PCDHA4: variants seen among roughly 807,000 people sequenced by gnomAD.
PCDHA4 encodes protocadherin alpha-4.
In PCDHA4, 49 loss-of-function variants were observed where a neutral mutation model predicts 61.4. The observed-to-expected ratio is 0.80, with a 90% CI of 0.63 to 1.01. PCDHA4 has a LOEUF of 1.01. PCDHA4 is among the 50% of genes least tolerant of loss of function. The pLI, the probability that PCDHA4 is intolerant of heterozygous loss-of-function variation, is 0.00. For synonymous variants in PCDHA4, 590 were observed against 550.3 expected (o/e 1.07, Z -1.01); for missense variants, 1,254 against 1,235.8 (o/e 1.01, Z -0.22).
intron 1 of PCDHA4, among the ~76,000 whole-genome samples, chr5:140,947,932 T>G (rs1444320082): frequency 1.3e-5 from 2 of 151,584 alleles, no homozygotes; most frequent in African/African-American, 4.8e-5. Flanking sequence ...CCTGATCTTA[T>G]GAGAAAAGTG....
chr5:140,884,590 C>T, intron 1 of PCDHA4: 1 of 1,614,182 alleles, frequency 6.2e-7, no homozygotes, highest in Non-Finnish European at 8.5e-7. Flanking sequence ...CCTTCAGTCC[C>T]AGCCTTCCTC....
At chr5:140,969,459 G>A (rs1554231863) in intron 1 of PCDHA4, 1 of 1,503,404 alleles carries the variant, frequency 6.7e-7, no homozygotes, top group Non-Finnish European at 8.9e-7. Flanking sequence ...AGTATATATA[G>A]TATCCACAAT....
At chr5:140,856,152 A>T in intron 1 of PCDHA4, 1 of 1,598,182 alleles carries the variant, frequency 6.3e-7, no homozygotes, top group Non-Finnish European at 8.6e-7. Flanking sequence ...TACTCAGTCT[A>T]CGAGGAGGCC....
intron 1 of PCDHA4, among the ~76,000 whole-genome samples, chr5:140,934,289 T>C (rs1584800076): frequency 6.6e-6 from 1 of 152,138 alleles, no homozygotes; most frequent in East Asian, 1.9e-4. Flanking sequence ...AGGGCATTCT[T>C]ACTGGTATTT....
Position 140,830,193 on chromosome 5 carries a change from T to C in PCDHA4, c.2385+20621T>C, listed in dbSNP as rs1770885787. ...CTGGTGGATGTCAACGTGTACCTGA[T>C]CATCGCCATCTGCGCGGTATCCAGC... is the stretch of plus-strand genomic sequence containing the variant. On this transcript the variant is annotated intron_variant, in intron 1 of 3. Transcript: ENST00000530339. The C allele has an allele frequency of 2.5e-6, 4 of 1,613,664 alleles. No homozygotes were observed. In the African/African-American group the frequency reaches 5.3e-5, roughly 22 times the overall value.
At chr5:140,987,314 G>A (rs1554249065) in intron 3 of PCDHA4, among the ~76,000 whole-genome samples, 1 of 152,126 alleles carries the variant, frequency 6.6e-6, no homozygotes, top group Non-Finnish European at 1.5e-5. Flanking sequence ...CCAATGTACT[G>A]TGAAGTTTTA....
chr5:140,824,361 G>A (rs1296667094), intron 1 of PCDHA4: 22 of 575,078 alleles, frequency 3.8e-5, no homozygotes, highest in Non-Finnish European at 6.6e-5. Flanking sequence ...TTTTATATTA[G>A]CATTTGAATT....
chr5:140,883,639 G>A (rs2059720248), intron 1 of PCDHA4: 1 of 1,614,016 alleles, frequency 6.2e-7, no homozygotes, highest in Non-Finnish European at 8.5e-7. Context: ...CGTTCGCGCA[G>A]CCCGAGTACA....
intron 1 of PCDHA4, chr5:140,868,711 A>G (rs2050603151): frequency 1.1e-5 from 2 of 187,754 alleles, no homozygotes; most frequent in Non-Finnish European, 2.2e-5. Flanking sequence ...AGACACAATA[A>G]TTTAAATTTG....
chr5:140,928,551 G>T, intron 1 of PCDHA4: 2 of 1,614,164 alleles, frequency 1.2e-6, no homozygotes, highest in Non-Finnish European at 1.7e-6. Context: ...ACAATTATCC[G>T]GTTATCTTGT....
At chr5:140,829,687 G>A (rs2150172545) in intron 1 of PCDHA4, 3 of 1,613,340 alleles carry the variant, frequency 1.9e-6, no homozygotes, top group East Asian at 2.2e-5. Flanking sequence ...AGCTGCTGCA[G>A]TTTCAGGTGA....
chr5:140,897,345 C>A (rs1291203410), intron 1 of PCDHA4, among the ~76,000 whole-genome samples: 2 of 126,562 alleles, frequency 1.6e-5, no homozygotes, highest in African/African-American at 6.0e-5. Flanking sequence ...CCCCCCACCC[C>A]ACAACTGTCC....
At chr5:140,812,491 A>G (rs1765118716) in intron 1 of PCDHA4, 2 of 152,004 alleles carry the variant, frequency 1.3e-5, no homozygotes. Context: ...AATCTTTATT[A>G]TAGTATTTCC....
chr5:140,941,227 C>CTT (rs797022976), intron 1 of PCDHA4, among the ~76,000 whole-genome samples: 1 of 136,000 alleles, frequency 7.4e-6, no homozygotes, highest in African/African-American at 2.8e-5. Context: ...TTCTTTCTTT[C>CTT]TTTCTTTCTT....
intron 1 of PCDHA4, among the ~76,000 whole-genome samples, chr5:140,960,167 CTTAAG>C (rs1291277794): frequency 1.3e-5 from 2 of 152,052 alleles, no homozygotes; most frequent in Non-Finnish European, 2.9e-5. Context: ...TAATACAATT[CTTAAG>C]TTAGGGGTTG....
At chr5:140,967,357 T>C (rs782125763) in intron 1 of PCDHA4, 2 of 1,608,222 alleles carry the variant, frequency 1.2e-6, no homozygotes, top group Non-Finnish European at 1.7e-6. Context: ...AGCTGGACCT[T>C]AAGCCCCTGC....
chr5:140,991,121 C>G (rs1220661100), intron 3 of PCDHA4, among the ~76,000 whole-genome samples: 1 of 152,184 alleles, frequency 6.6e-6, no homozygotes, highest in Non-Finnish European at 1.5e-5. Context: ...TTCTTACATT[C>G]ACACAGCTAG....
Position 140,949,361 on chromosome 5 carries a change from G to C in PCDHA4, c.2386-29588G>C, listed in dbSNP as rs150004166. 4.9e-3 allele frequency among the ~76,000 whole-genome samples: 749 copies of C among 151,546 alleles called. 8 individuals are homozygous for C. The highest frequency in any genetic ancestry group is 0.017 in the African/African-American group (722 of 41,420). On this transcript the variant is annotated intron_variant, in intron 1 of 3. Coordinates refer to ENST00000530339, the MANE Select transcript of PCDHA4 (RefSeq NM_018907.4). ...AGATTTTCTGTGTCTTTATTTTTTT[G>C]TCTAGTTGTCCTATCAATTGCTCAG...
intron 1 of PCDHA4, chr5:140,864,371 G>A (rs1005201982): frequency 6.6e-5 from 10 of 152,044 alleles, no homozygotes; most frequent in South Asian, 6.2e-4. Context: ...TTCTATAATC[G>A]ATAAGTTTAT....
Sources: allele counts gnomAD v4.1 joint callset (sites outside exome capture counted in the v4.1 genomes callset), GRCh38; gene constraint gnomAD v4.1.1; transcripts MANE v1.5; gene names NCBI Gene and HGNC (gene_info 2026-07-23, HGNC 2026-07-21).